PBX3: variants seen among roughly 807,000 people sequenced by gnomAD.
The protein encoded by PBX3 is pre-B-cell leukemia transcription factor 3.
In PBX3, 14 loss-of-function variants were observed where a neutral mutation model predicts 48.5. That is an observed-to-expected ratio of 0.29 (90% CI 0.19 to 0.45). PBX3 has a LOEUF of 0.45. Ranked by LOEUF, PBX3 falls within the 20% of genes least tolerant of loss-of-function variation. The pLI, the probability that PBX3 is intolerant of heterozygous loss-of-function variation, is 1.00. For missense variants in PBX3, 386 were observed against 546.7 expected, an observed-to-expected ratio of 0.71 and a Z score of 2.93; for synonymous variants, 210 against 200.3, an observed-to-expected ratio of 1.05 and a Z score of -0.41.
intron 2 of PBX3, among the ~76,000 whole-genome samples, chr9:125,857,535 A>G (rs1375668620): frequency 2.0e-5 from 3 of 152,140 alleles, no homozygotes; most frequent in Non-Finnish European, 4.4e-5. Context: ...GACCCCCAGT[A>G]CTACATATTT....
intron 5 of PBX3, chr9:125,949,302 G>T: frequency 6.5e-7 from 1 of 1,539,234 alleles, no homozygotes; most frequent in East Asian, 2.4e-5. Flanking sequence ...CCTAGTACAG[G>T]GCCTGGCATC....
intron 5 of PBX3, among the ~76,000 whole-genome samples, chr9:125,942,680 A>C (rs1841981089): frequency 6.6e-6 from 1 of 152,228 alleles, no homozygotes; most frequent in Admixed American, 6.5e-5. Context: ...AACAAGTTGA[A>C]GGAAAAGGCA....
At chr9:125,833,880 G>C (rs142313800) in intron 2 of PBX3, among the ~76,000 whole-genome samples, 2 of 152,242 alleles carry the variant, frequency 1.3e-5, no homozygotes, top group African/African-American at 4.8e-5. Flanking sequence ...GGATTGCTAG[G>C]TCATAGATAA....
chr9:125,919,096 A>G (rs1342930441), intron 3 of PBX3, among the ~76,000 whole-genome samples: 1 of 152,182 alleles, frequency 6.6e-6, no homozygotes, highest in Non-Finnish European at 1.5e-5. Flanking sequence ...TTTTCATTGA[A>G]TTGTGCTGGT....
At chr9:125,783,185 G>A (rs1192221204) in intron 2 of PBX3, among the ~76,000 whole-genome samples, 1 of 152,136 alleles carries the variant, frequency 6.6e-6, no homozygotes, top group Non-Finnish European at 1.5e-5. Context: ...ATTATTATAT[G>A]TTGGTGTGCA....
At chr9:125,896,939 C>A (rs1280804219) in intron 2 of PBX3, among the ~76,000 whole-genome samples, 2 of 151,826 alleles carry the variant, frequency 1.3e-5, no homozygotes, top group Non-Finnish European at 2.9e-5. Flanking sequence ...TAACTGTTTC[C>A]TTTCCTGTTC....
chr9:125,802,995 A>G (rs1271186417), intron 2 of PBX3, among the ~76,000 whole-genome samples: 2 of 151,508 alleles, frequency 1.3e-5, no homozygotes, highest in Admixed American at 1.3e-4. Context: ...TTTTTAGAAG[A>G]TACAATGATA....
At chr9:125,889,875 C>A (rs1051370854) in intron 2 of PBX3, among the ~76,000 whole-genome samples, 1 of 148,152 alleles carries the variant, frequency 6.7e-6, no homozygotes, top group Non-Finnish European at 1.5e-5. Context: ...CGACGCCCGC[C>A]CGCGCTCGCG....
chr9:125,934,695 A>G (rs1015356049), intron 4 of PBX3, among the ~76,000 whole-genome samples: 2 of 151,802 alleles, frequency 1.3e-5, no homozygotes, highest in Non-Finnish European at 2.9e-5. Context: ...ATCCTTCCCA[A>G]TGCATTTTTT....
chr9:125,779,359 A>C (rs1388255447), intron 2 of PBX3, among the ~76,000 whole-genome samples: 39 of 139,022 alleles, frequency 2.8e-4, no homozygotes, highest in African/African-American at 1.1e-3. Flanking sequence ...TGGCAGATAA[A>C]CAAGTGAACA....
At chr9:125,798,366 C>T (rs976055543) in intron 2 of PBX3, among the ~76,000 whole-genome samples, 2 of 151,984 alleles carry the variant, frequency 1.3e-5, no homozygotes, top group African/African-American at 4.8e-5. Context: ...TATTCTAAGC[C>T]ACAATTGTTA....
At chr9:125,862,549 G>A (rs1050820656) in intron 2 of PBX3, among the ~76,000 whole-genome samples, 2 of 152,008 alleles carry the variant, frequency 1.3e-5, no homozygotes, top group African/African-American at 4.8e-5. Context: ...ACCACACCCA[G>A]CTAATTTTTG....
At chr9:125,765,632 A>G (rs906546145) in intron 2 of PBX3, among the ~76,000 whole-genome samples, 4 of 152,160 alleles carry the variant, frequency 2.6e-5, no homozygotes, top group South Asian at 2.1e-4. Flanking sequence ...TATTATTTAT[A>G]TTGCAAGTCT....
chr9:125,814,256 G>A (rs1019254637), intron 2 of PBX3, among the ~76,000 whole-genome samples: 2 of 122,306 alleles, frequency 1.6e-5, no homozygotes, highest in East Asian at 2.8e-4. Flanking sequence ...TAGTGTTCTC[G>A]CAGTTATTAT....
chr9:125,791,223 T>C (rs1478458590), intron 2 of PBX3, among the ~76,000 whole-genome samples: 1 of 152,094 alleles, frequency 6.6e-6, no homozygotes, highest in Non-Finnish European at 1.5e-5. Flanking sequence ...GCCACCCTAA[T>C]TGTATATTAA....
chr9:125,779,108 A>G (rs894769170), intron 2 of PBX3, among the ~76,000 whole-genome samples: 3 of 135,362 alleles, frequency 2.2e-5, no homozygotes, highest in Non-Finnish European at 4.7e-5. Context: ...GTAACCTCTA[A>G]TCTGCTTTGT....
chr9:125,943,348 G>T (rs1342830347), intron 5 of PBX3, among the ~76,000 whole-genome samples: 4 of 63,306 alleles, frequency 6.3e-5, no homozygotes, highest in Non-Finnish European at 8.9e-5. Flanking sequence ...GAGTGAGACT[G>T]TCTCAAAAAA....
At chr9:125,870,105 TATCTCAGCTCACTGAGACAGTAGCACG>T (rs1199469780) in intron 2 of PBX3, among the ~76,000 whole-genome samples, 3 of 145,312 alleles carry the variant, frequency 2.1e-5, no homozygotes, top group Non-Finnish European at 3.1e-5. Flanking sequence ...ACAGTAGCAC[TATCTCAGCTCACTGAGACAGTAGCACG>T]ATCTCAGCTC....
chr9:125,866,837 A>G (rs1451571648), intron 2 of PBX3, among the ~76,000 whole-genome samples: 2 of 152,202 alleles, frequency 1.3e-5, no homozygotes, highest in South Asian at 2.1e-4. Flanking sequence ...ATCCAAAGCT[A>G]TACTTTGGTG....
Sources: gnomAD v4.1 joint callset for allele counts (sites outside exome capture counted in the v4.1 genomes callset) on GRCh38, gnomAD v4.1.1 for gene constraint, MANE v1.5 for transcripts, NCBI Gene and HGNC (gene_info 2026-07-23, HGNC 2026-07-21) for gene names.